The following HMCN1 variants were observed in gnomAD, a reference collection of about 807,000 sequenced individuals.
The protein encoded by HMCN1 is hemicentin-1.
Under a neutral mutation model 625.9 loss-of-function variants are expected in HMCN1, and 321 were observed. The ratio of observed to expected loss-of-function variants is 0.51; its 90% CI spans 0.47 to 0.56. The LOEUF (loss-of-function observed/expected upper bound fraction) is 0.56, where lower values mean the gene tolerates loss of function less well. Among genes scored for constraint, HMCN1 ranks in the 20% least tolerant of loss-of-function variants. The pLI is 0.00. For synonymous variants in HMCN1, 2,425 were observed against 2,417.6 expected (o/e 1.00, Z -0.09); for missense variants, 6,588 against 6,887.3 (o/e 0.96, Z 1.54).
intron 30 of HMCN1, among the ~76,000 whole-genome samples, chr1:186,011,092 CTGGAGTGCAG>C (rs1221170511): frequency 6.6e-6 from 1 of 152,100 alleles, no homozygotes; most frequent in Non-Finnish European, 1.5e-5. Context: ...GTCACCCAGG[CTGGAGTGCAG>C]TGGAGTGATC....
intron 46 of HMCN1, among the ~76,000 whole-genome samples, chr1:186,059,005 C>CGATA: frequency 6.6e-6 from 1 of 151,964 alleles, no homozygotes; most frequent in South Asian, 2.1e-4. Context: ...ACTTGTAAAG[C>CGATA]GATAATAATA....
At chr1:185,781,797 T>C (rs1657134977) in intron 1 of HMCN1, among the ~76,000 whole-genome samples, 1 of 152,352 alleles carries the variant, frequency 6.6e-6, no homozygotes, top group Middle Eastern at 3.4e-3. Flanking sequence ...ATAAGTGCGA[T>C]GTGGTGCTGA....
At chr1:185,982,230 G>A (rs1029677335) in intron 17 of HMCN1, 32 bp from the exon 18 acceptor site, 2 of 1,612,574 alleles carry the variant, frequency 1.2e-6, no homozygotes, top group Non-Finnish European at 1.7e-6. Flanking sequence ...GTGAAATAGA[G>A]TTGAAAGTGC....
At chr1:186,174,375 C>G (rs1652429142) in intron 102 of HMCN1, 139 bp from the exon 103 acceptor site, 5 of 961,792 alleles carry the variant, frequency 5.2e-6, no homozygotes, top group Non-Finnish European at 8.2e-6. Flanking sequence ...TTTTCTGATT[C>G]CAAGTTGTAA....
In HMCN1 at chr1:186,132,287, G is replaced by T. The variant is rs527897561; in HGVS notation, c.13231-41G>T. The T allele has an allele frequency of 1.9e-4, 270 of 1,430,652 alleles. 2 individuals carry two copies. The South Asian group carries it at 3.0e-3, about 16-fold the overall frequency. The allele number at this position is 1,430,652 out of a possible 1,614,324, so 88.6% of individuals were successfully genotyped here. Reference sequence around the variant, plus strand: ...GTGAAAAAAGTGATTGCCCTGCTCTGTAGGCTCATATTTTTGTAAAAACGC... The same window carrying T: ...GTGAAAAAAGTGATTGCCCTGCTCTTTAGGCTCATATTTTTGTAAAAACGC... On this transcript the variant is annotated intron_variant, in intron 85 of 106. Transcript: ENST00000271588.
chr1:185,760,723 G>A (rs1200690445), intron 1 of HMCN1, among the ~76,000 whole-genome samples: 2 of 152,056 alleles, frequency 1.3e-5, no homozygotes, highest in Admixed American at 6.6e-5. Flanking sequence ...GGAAAATCCA[G>A]GTTTCATGGA....
intron 1 of HMCN1, among the ~76,000 whole-genome samples, chr1:185,738,224 G>C (rs928003932): frequency 2.0e-5 from 3 of 152,098 alleles, no homozygotes; most frequent in African/African-American, 7.2e-5. Flanking sequence ...TTCACAGATA[G>C]GTGCAAATGT....
chr1:185,815,422 G>A (rs1327974646), intron 1 of HMCN1, among the ~76,000 whole-genome samples: 2 of 149,998 alleles, frequency 1.3e-5, no homozygotes, highest in Non-Finnish European at 2.9e-5. Context: ...AATCACTTAG[G>A]ATTCTTATAA....
At chr1:186,056,916 A>T (rs1190917197) in intron 45 of HMCN1, among the ~76,000 whole-genome samples, 4 of 151,562 alleles carry the variant, frequency 2.6e-5, no homozygotes, top group African/African-American at 4.8e-5. Context: ...AATTGCAATT[A>T]AAAAAAAGGG....
Position 186,005,212 on chromosome 1 carries a change from T to C in HMCN1, c.4475+1368T>C, listed in dbSNP as rs559621056. 5.6e-4 allele frequency among the ~76,000 whole-genome samples: 81 copies of C among 144,636 alleles called. 1 individual carries two copies. Among genetic ancestry groups the C allele is most frequent in the African/African-American group, 1.8e-3 (72 of 39,126 alleles). 94.9% of individuals were successfully genotyped at this position (144,636 alleles called of 152,430 possible). The stretch of plus-strand genomic sequence containing the variant: ...AAACAATTTTTTAATTGTTTATAAA[T>C]GTTTATAAACAATTTTTTAATTGTT... On this transcript the variant is annotated intron_variant, in intron 29 of 106. Transcript: ENST00000271588.
chr1:186,006,901 G>A (rs1265179544), intron 29 of HMCN1, among the ~76,000 whole-genome samples: 2 of 151,894 alleles, frequency 1.3e-5, no homozygotes, highest in East Asian at 3.8e-4. Flanking sequence ...TATAATTTAA[G>A]TTTGAAATGG....
intron 4 of HMCN1, among the ~76,000 whole-genome samples, chr1:185,873,544 TA>T (rs1663758182): frequency 6.6e-6 from 1 of 152,072 alleles, no homozygotes; most frequent in Admixed American, 6.6e-5. Context: ...ATGAGACAAA[TA>T]AAATTCTGTT....
chr1:186,091,047 G>A (rs1659814283), intron 64 of HMCN1, 130 bp downstream of exon 64: 4 of 1,117,720 alleles, frequency 3.6e-6, no homozygotes, highest in Admixed American at 2.3e-5. Context: ...TATTCACAAA[G>A]AAACAAAAAA....
At chr1:185,792,213 C>G (rs559147544) in intron 1 of HMCN1, among the ~76,000 whole-genome samples, 1 of 152,144 alleles carries the variant, frequency 6.6e-6, no homozygotes, top group Non-Finnish European at 1.5e-5. Context: ...ATGCTAATAA[C>G]AACAATTATT....
Position 186,024,279 on chromosome 1 carries a change from G to A in HMCN1, c.5749+1126G>A, listed in dbSNP as rs566377862. Among the ~76,000 whole-genome samples, 7 of 152,260 alleles carry A rather than the reference G, an allele frequency of 4.6e-5. 1 individual carries two copies. Among genetic ancestry groups the A allele is most frequent in the African/African-American group, 1.7e-4 (7 of 41,552 alleles). Reference sequence around the variant, plus strand: ...CAGGCTGACCCTGCTCTACTGTAAGGTGCCTTGCATTTGCCTCGTTCCCCA... The same window carrying A: ...CAGGCTGACCCTGCTCTACTGTAAGATGCCTTGCATTTGCCTCGTTCCCCA... On this transcript the variant is annotated intron_variant, in intron 36 of 106. Coordinates refer to ENST00000271588, the MANE Select transcript of HMCN1 (RefSeq NM_031935.3).
chr1:186,023,005 C>A, intron 35 of HMCN1, 25 bp from the exon 36 acceptor site: 1 of 1,611,514 alleles, frequency 6.2e-7, no homozygotes, highest in Non-Finnish European at 8.5e-7. Flanking sequence ...TACAAAAATC[C>A]TCTGTGCTTT....
At chr1:185,865,611 AC>A in intron 3 of HMCN1, 129 bp from the exon 4 acceptor site, 1 of 701,466 alleles carries the variant, frequency 1.4e-6, no homozygotes, top group Non-Finnish European at 2.5e-6. Flanking sequence ...ACACACACAC[AC>A]ACACACACAC....
At chr1:185,825,433 G>T (rs189729179) in intron 1 of HMCN1, among the ~76,000 whole-genome samples, 152 of 152,306 alleles carry the variant, frequency 1.0e-3, no homozygotes, top group African/African-American at 3.4e-3. Flanking sequence ...TGCCAAGAAA[G>T]TATGGTAGCA....
intron 36 of HMCN1, among the ~76,000 whole-genome samples, chr1:186,024,348 G>C (rs75920027): frequency 6.6e-6 from 1 of 152,146 alleles, no homozygotes; most frequent in Non-Finnish European, 1.5e-5. Context: ...GCTGTCTCCA[G>C]CATCTGCTTA....
Sources: gnomAD v4.1 joint callset for allele counts (sites outside exome capture counted in the v4.1 genomes callset) on GRCh38, gnomAD v4.1.1 for gene constraint, MANE v1.5 for transcripts, NCBI Gene and HGNC (gene_info 2026-07-23, HGNC 2026-07-21) for gene names.